MCPH1: variants seen among roughly 807,000 people sequenced by gnomAD.
MCPH1 encodes the protein microcephalin 1, also known as microcephalin.
In MCPH1, 104 loss-of-function variants were observed where a neutral mutation model predicts 84.5. The observed-to-expected ratio is 1.23, with a 90% CI of 1.05 to 1.45. The LOEUF is 1.45. Among genes scored for constraint, MCPH1 ranks in the 40% most tolerant of loss-of-function variants. The pLI is 0.00. For missense variants in MCPH1, 1,498 were observed against 1,005.7 expected (o/e 1.49, Z -6.62); for synonymous variants, 514 against 366.8 (o/e 1.40, Z -4.58).
intron 12 of MCPH1, chr8:6,509,056 G>A (rs1384967629): frequency 3.1e-6 from 5 of 1,613,806 alleles, no homozygotes; most frequent in Non-Finnish European, 4.2e-6. Context: ...GTCCTTTAAG[G>A]TGAATCCTGT....
At chr8:6,585,508 T>G (rs545119674) in intron 12 of MCPH1, among the ~76,000 whole-genome samples, 1 of 152,230 alleles carries the variant, frequency 6.6e-6, no homozygotes, top group Non-Finnish European at 1.5e-5. Flanking sequence ...AAACATGCAG[T>G]TGGGCTGCTC....
chr8:6,513,664 A>G lies in MCPH1; in HGVS notation c.2214+13735A>G, dbSNP rs770846591. Reference sequence around the variant, plus strand: ...CTTTTAATTTTTTCTTTCAATTACCATGAACTCACTTACCTATAATTGAGT... The same window carrying G: ...CTTTTAATTTTTTCTTTCAATTACCGTGAACTCACTTACCTATAATTGAGT... On this transcript the variant is annotated intron_variant, in intron 12 of 13. Transcript: ENST00000344683. 1.3e-5 allele frequency: 21 copies of G among 1,599,322 alleles called. No homozygotes were observed. The South Asian group carries it at 2.2e-4, about 16-fold the overall frequency.
chr8:6,456,248 C>T (rs1404047461), intron 9 of MCPH1, among the ~76,000 whole-genome samples: 2 of 152,120 alleles, frequency 1.3e-5, no homozygotes, highest in African/African-American at 4.8e-5. Context: ...GGTCCCATAA[C>T]ATGTTTGTGG....
intron 12 of MCPH1, among the ~76,000 whole-genome samples, chr8:6,606,488 C>G (rs571007536): frequency 1.3e-5 from 2 of 152,254 alleles, no homozygotes; most frequent in East Asian, 3.9e-4. Flanking sequence ...GGTCCCTGTC[C>G]TAGTTGGAGG....
chr8:6,608,364 G>C (rs1456771218), intron 12 of MCPH1, among the ~76,000 whole-genome samples: 1 of 152,220 alleles, frequency 6.6e-6, no homozygotes, highest in Non-Finnish European at 1.5e-5. Flanking sequence ...TTGTAGCACT[G>C]TATCCATCAA....
chr8:6,485,100 G>C (rs890155272), intron 11 of MCPH1, among the ~76,000 whole-genome samples: 1 of 152,190 alleles, frequency 6.6e-6, no homozygotes, highest in African/African-American at 2.4e-5. Flanking sequence ...GCCGAGGCGT[G>C]TGGATCACGA....
At position 6,643,713 on chromosome 8, in the gene MCPH1, A is replaced by G. The variant is rs1798076332; in HGVS notation, c.*664A>G. The G allele has an allele frequency of 6.5e-6, 1 of 153,412 alleles. No individual in the cohort carries two copies. Among genetic ancestry groups the G allele is most frequent in the African/African-American group, 2.4e-5 (1 of 41,460 alleles). The allele number at this position is 153,412 out of a possible 1,614,324, so 9.5% of individuals were successfully genotyped here. A position where few individuals can be genotyped will look rare whatever the true frequency, so the allele number is the denominator to read the frequency against. Reference sequence around the variant, plus strand: ...TTTATTAATACATTATCTATTAGGTAGGAAAGACATTTGTCAGCTATTAAG... The same window carrying G: ...TTTATTAATACATTATCTATTAGGTGGGAAAGACATTTGTCAGCTATTAAG... On this transcript the variant is annotated 3_prime_UTR_variant, in exon 14 of 14. Transcript: ENST00000344683.
At chr8:6,461,614 A>G (rs1293235713) in intron 9 of MCPH1, among the ~76,000 whole-genome samples, 24 of 151,924 alleles carry the variant, frequency 1.6e-4, no homozygotes, top group Admixed American at 1.5e-3. Flanking sequence ...TGCTGGGATT[A>G]CAGGCGTGAG....
intron 11 of MCPH1, among the ~76,000 whole-genome samples, chr8:6,494,882 T>G (rs1811069906): frequency 6.6e-6 from 1 of 152,212 alleles, no homozygotes; most frequent in African/African-American, 2.4e-5. Context: ...TTTAAAATGG[T>G]TAATTGTATA....
intron 12 of MCPH1, chr8:6,500,306 T>C (rs1811902632): frequency 5.3e-6 from 1 of 187,518 alleles, no homozygotes; most frequent in Non-Finnish European, 1.1e-5. Context: ...GGTGCTGTGA[T>C]AACAGTATTT....
intron 11 of MCPH1, among the ~76,000 whole-genome samples, chr8:6,499,061 ATAAAT>A (rs1000618783): frequency 2.9e-5 from 4 of 140,272 alleles, no homozygotes; most frequent in Non-Finnish European, 6.2e-5. Context: ...CAAAAAATAA[ATAAAT>A]TAAATAAATA....
intron 12 of MCPH1, among the ~76,000 whole-genome samples, chr8:6,549,321 A>C (rs1035966098): frequency 3.3e-5 from 5 of 152,272 alleles, no homozygotes; most frequent in Non-Finnish European, 5.9e-5. Flanking sequence ...TGGATCCATC[A>C]CAGAAATAAT....
At chr8:6,434,081 A>G (rs1375438272) in intron 4 of MCPH1, among the ~76,000 whole-genome samples, 1 of 152,100 alleles carries the variant, frequency 6.6e-6, no homozygotes, top group East Asian at 1.9e-4. Context: ...ACCCGTTTAT[A>G]CCAGCAGTTC....
intron 12 of MCPH1, among the ~76,000 whole-genome samples, chr8:6,528,367 C>T (rs1401818470): frequency 6.6e-6 from 1 of 152,178 alleles, no homozygotes; most frequent in African/African-American, 2.4e-5. Flanking sequence ...TTGCCGAAAA[C>T]AAAATGCTAT....
intron 3 of MCPH1, among the ~76,000 whole-genome samples, chr8:6,426,533 A>G (rs1486108794): frequency 1.3e-5 from 2 of 152,214 alleles, no homozygotes; most frequent in Non-Finnish European, 2.9e-5. Context: ...ACTTCCTTTT[A>G]TAGCTGAGTA....
chr8:6,433,393 A>G (rs2442520), intron 4 of MCPH1, among the ~76,000 whole-genome samples: 110,560 of 151,994 alleles, frequency 0.73, 41,880 homozygotes, highest in East Asian at 0.82. Flanking sequence ...AGCACTTCAG[A>G]AGGCCAAGGC....
intron 8 of MCPH1, chr8:6,445,969 A>T: frequency 1.0e-6 from 1 of 981,586 alleles, no homozygotes; most frequent in Non-Finnish European, 1.2e-6. Flanking sequence ...ATTAAGGTAG[A>T]TTAAGCCATC....
At chr8:6,455,859 CA>C (rs1162591809) in intron 9 of MCPH1, among the ~76,000 whole-genome samples, 2 of 151,688 alleles carry the variant, frequency 1.3e-5, no homozygotes, top group Non-Finnish European at 2.9e-5. Flanking sequence ...TTTATGAGGC[CA>C]AAAAAGTATA....
At chr8:6,551,911 T>A (rs528438913) in intron 12 of MCPH1, among the ~76,000 whole-genome samples, 1 of 152,240 alleles carries the variant, frequency 6.6e-6, no homozygotes, top group Non-Finnish European at 1.5e-5. Context: ...TACATCTGTA[T>A]GTAATAATTT....
Sources: allele counts gnomAD v4.1 joint callset (sites outside exome capture counted in the v4.1 genomes callset), GRCh38; gene constraint gnomAD v4.1.1; transcripts MANE v1.5; gene names NCBI Gene and HGNC (gene_info 2026-07-23, HGNC 2026-07-21).